PTPRN2: variants seen among roughly 807,000 people sequenced by gnomAD.
The protein encoded by PTPRN2 is receptor-type tyrosine-protein phosphatase N2.
In PTPRN2, 74 loss-of-function variants were observed where a neutral mutation model predicts 118.8. The ratio of observed to expected loss-of-function variants is 0.62; its 90% CI spans 0.52 to 0.76. PTPRN2 has a LOEUF of 0.76. PTPRN2 is among the 30% of genes least tolerant of loss of function. The probability of loss-of-function intolerance (pLI) is 0.00; values close to 1 mark genes in which losing one functional copy is unlikely to be tolerated. For missense variants in PTPRN2, 1,481 were observed against 1,394.4 expected (o/e 1.06, Z -0.99); for synonymous variants, 641 against 608.0 (o/e 1.05, Z -0.80).
chr7:158,019,977 C>T (rs552547297), intron 11 of PTPRN2, among the ~76,000 whole-genome samples: 4 of 152,344 alleles, frequency 2.6e-5, no homozygotes, highest in East Asian at 3.9e-4. Context: ...CCATTGGCCG[C>T]GGTCCTGCTC....
At chr7:157,677,522 T>C (rs1021414899) in intron 13 of PTPRN2, among the ~76,000 whole-genome samples, 12 of 152,202 alleles carry the variant, frequency 7.9e-5, no homozygotes, top group African/African-American at 2.9e-4. Flanking sequence ...ACACTGCTTT[T>C]GGAAACTGCA....
At chr7:157,675,215 G>A (rs566671721) in intron 13 of PTPRN2, among the ~76,000 whole-genome samples, 22 of 152,056 alleles carry the variant, frequency 1.4e-4, no homozygotes, top group African/African-American at 1.9e-4. Flanking sequence ...CCTGCCTCCC[G>A]CCATGGGCAG....
At chr7:157,541,480 T>C (rs774696536) in intron 22 of PTPRN2, among the ~76,000 whole-genome samples, 5 of 152,262 alleles carry the variant, frequency 3.3e-5, no homozygotes, top group Non-Finnish European at 5.9e-5. Context: ...ATGCCAGGAC[T>C]ATTCGCTCCT....
At chr7:158,032,137 C>A (rs1425837441) in intron 11 of PTPRN2, among the ~76,000 whole-genome samples, 1 of 152,244 alleles carries the variant, frequency 6.6e-6, no homozygotes, top group Non-Finnish European at 1.5e-5. Context: ...AACCTGCCCC[C>A]ACGCCTGGCC....
At chr7:158,146,477 T>A (rs1310983352) in intron 6 of PTPRN2, among the ~76,000 whole-genome samples, 1 of 151,998 alleles carries the variant, frequency 6.6e-6, no homozygotes, top group East Asian at 1.9e-4. Context: ...ATCCCAGCAC[T>A]TTGGGACGCT....
intron 2 of PTPRN2, among the ~76,000 whole-genome samples, chr7:158,408,250 T>C (rs576142004): frequency 6.6e-6 from 1 of 152,310 alleles, no homozygotes; most frequent in Non-Finnish European, 1.5e-5. Flanking sequence ...AGAGGCAGCA[T>C]TAAACATTAA....
At chr7:158,232,624 GA>G (rs1206414283) in intron 3 of PTPRN2, among the ~76,000 whole-genome samples, 1 of 149,050 alleles carries the variant, frequency 6.7e-6, no homozygotes, top group Non-Finnish European at 1.5e-5. Flanking sequence ...ACCAAAAGCT[GA>G]AAAGACAAGA....
In PTPRN2 at chr7:158,340,936, C is replaced by G. The variant is rs562879511; in HGVS notation, c.164-24004G>C. 6.6e-4 allele frequency among the ~76,000 whole-genome samples: 57 copies of G among 86,878 alleles called. 18 individuals carry two copies. Among genetic ancestry groups the G allele is most frequent in the African/African-American group, 2.2e-3 (55 of 24,754 alleles). The allele number at this position is 86,878 out of a possible 152,430, so 57.0% of individuals were successfully genotyped here. On this transcript the variant is annotated intron_variant, in intron 2 of 22. Transcript: ENST00000389418. ...CACACCCACACACGTCAATCACACT[C>G]ACACTCTCACCATAAGAGCTGACGC...
rs190196041 is a variant in PTPRN2, at chr7:157,609,391, T to A, written c.2345-5316A>T. Among the ~76,000 whole-genome samples, 48 of 151,784 alleles carry A rather than the reference T, an allele frequency of 3.2e-4. No homozygotes were observed. Among genetic ancestry groups the A allele is most frequent in the South Asian group, 2.9e-3 (14 of 4,772 alleles). ...AGAGTGAAACTCTGTCTCAAAAAAA[T>A]TTTTTTTTAAATATAAAAAAAAAGA... On this transcript the variant is annotated intron_variant, in intron 15 of 22. Coordinates refer to ENST00000389418, the MANE Select transcript of PTPRN2 (RefSeq NM_002847.5). This position sits in a 1 kb window ranked among gnomAD's most constrained non-coding sequence, Gnocchi z 4.9.
At chr7:158,225,674 G>A (rs934877226) in intron 3 of PTPRN2, among the ~76,000 whole-genome samples, 10 of 152,194 alleles carry the variant, frequency 6.6e-5, no homozygotes, top group Non-Finnish European at 1.0e-4. Context: ...ACTGCTAAGG[G>A]AATAGAGAAA....
intron 6 of PTPRN2, among the ~76,000 whole-genome samples, chr7:158,149,679 C>T (rs528670911): frequency 4.0e-4 from 61 of 152,156 alleles, no homozygotes; most frequent in African/African-American, 1.4e-3. Flanking sequence ...TGGCGCATGC[C>T]TGTAGTCCCA....
chr7:157,709,236 G>C (rs969380046), intron 12 of PTPRN2, among the ~76,000 whole-genome samples: 1 of 152,226 alleles, frequency 6.6e-6, no homozygotes, highest in East Asian at 1.9e-4. Flanking sequence ...GAGGCCATAC[G>C]TGCCACAGAT....
chr7:157,885,790 G>A lies in PTPRN2; in HGVS notation c.1788+12883C>T, dbSNP rs56883895. On this transcript the variant is annotated intron_variant, in intron 12 of 22. Coordinates refer to ENST00000389418, the MANE Select transcript of PTPRN2 (RefSeq NM_002847.5). Reference sequence around the variant, plus strand: ...ATGTGGGGCTCAGTGTAGGGAGTGCGACCTGGCCTGAGTCAGGCTGCCTGG... The same window carrying A: ...ATGTGGGGCTCAGTGTAGGGAGTGCAACCTGGCCTGAGTCAGGCTGCCTGG... Among the ~76,000 whole-genome samples the A allele has an allele frequency of 1.7e-3, 256 of 152,350 alleles. 1 individual carries two copies. Among genetic ancestry groups the A allele is most frequent in the African/African-American group, 5.2e-3 (218 of 41,580 alleles).
intron 11 of PTPRN2, among the ~76,000 whole-genome samples, chr7:157,933,175 A>T (rs1354874289): frequency 8.1e-6 from 1 of 123,262 alleles, no homozygotes; most frequent in Non-Finnish European, 1.9e-5. Flanking sequence ...ACAGTTTTAG[A>T]GGAAGGGTGA....
At chr7:157,826,752 A>G (rs945093592) in intron 12 of PTPRN2, among the ~76,000 whole-genome samples, 1 of 152,130 alleles carries the variant, frequency 6.6e-6, no homozygotes, top group Admixed American at 6.5e-5. Flanking sequence ...GGGAGTCCTG[A>G]TTGCAGAGGG....
intron 12 of PTPRN2, among the ~76,000 whole-genome samples, chr7:157,768,195 T>A (rs1466607176): frequency 6.6e-6 from 1 of 152,250 alleles, no homozygotes; most frequent in Admixed American, 6.5e-5. Flanking sequence ...TATTTGTGGC[T>A]ATGAATTCCC....
chr7:158,220,723 GAAC>G (rs1411473723), intron 3 of PTPRN2, among the ~76,000 whole-genome samples: 2 of 151,584 alleles, frequency 1.3e-5, no homozygotes, highest in African/African-American at 4.8e-5. Flanking sequence ...CAAACAAATG[GAAC>G]AACATTCCAC....
chr7:158,114,020 C>T (rs1171773278), intron 9 of PTPRN2, among the ~76,000 whole-genome samples: 1 of 152,194 alleles, frequency 6.6e-6, no homozygotes, highest in Non-Finnish European at 1.5e-5. Flanking sequence ...CCTGTCCTGC[C>T]CAGCCAGTGT....
At chr7:158,090,202 G>T (rs1391186252) in intron 10 of PTPRN2, among the ~76,000 whole-genome samples, 2 of 152,222 alleles carry the variant, frequency 1.3e-5, no homozygotes, top group Non-Finnish European at 2.9e-5. Flanking sequence ...GATGAAAGAG[G>T]GAGTCTTCAC....
Sources: gnomAD v4.1 joint callset for allele counts (sites outside exome capture counted in the v4.1 genomes callset) on GRCh38, gnomAD v4.1.1 for gene constraint, Gnocchi (gnomAD v3.1) non-coding constraint, MANE v1.5 for transcripts, NCBI Gene and HGNC (gene_info 2026-07-23, HGNC 2026-07-21) for gene names.